The following MGAT4C variants were observed in gnomAD, a reference collection of about 807,000 sequenced individuals.
The protein encoded by MGAT4C is MGAT4 family member C.
Under a neutral mutation model 40.1 loss-of-function variants are expected in MGAT4C, and 19 were observed. That is an observed-to-expected ratio of 0.47 (90% CI 0.33 to 0.70). MGAT4C has a LOEUF of 0.70. Ranked by LOEUF, MGAT4C falls within the 30% of genes least tolerant of loss-of-function variation. The pLI is 0.02. For synonymous variants in MGAT4C, 181 were observed against 187.1 expected (o/e 0.97, Z 0.27); for missense variants, 491 against 563.2 (o/e 0.87, Z 1.30).
intron 1 of MGAT4C, among the ~76,000 whole-genome samples, chr12:86,113,884 G>C (rs1322982265): frequency 6.6e-6 from 1 of 151,838 alleles, no homozygotes; most frequent in East Asian, 1.9e-4. Context: ...AGAGAGACTG[G>C]AAAAGTCTCA....
intron 3 of MGAT4C, among the ~76,000 whole-genome samples, chr12:86,413,198 C>A (rs978874009): frequency 1.3e-5 from 2 of 151,908 alleles, no homozygotes; most frequent in African/African-American, 4.8e-5. Context: ...GGAAAATGGA[C>A]CAGCTGTAGA....
intron 2 of MGAT4C, among the ~76,000 whole-genome samples, chr12:86,446,474 T>C (rs1241880658): frequency 6.6e-6 from 1 of 151,558 alleles, no homozygotes; most frequent in Non-Finnish European, 1.5e-5. Context: ...CAGCTGTTTT[T>C]GTGATTTGCA....
intron 1 of MGAT4C, among the ~76,000 whole-genome samples, chr12:86,804,138 T>C (rs1952293863): frequency 6.6e-6 from 1 of 151,146 alleles, no homozygotes; most frequent in East Asian, 2.0e-4. Context: ...AAATTGGAAA[T>C]CATAATTCTC....
chr12:86,645,524 C>A (rs922178452), intron 2 of MGAT4C, among the ~76,000 whole-genome samples: 1 of 151,636 alleles, frequency 6.6e-6, no homozygotes, highest in African/African-American at 2.4e-5. Flanking sequence ...ATTTAGCAAG[C>A]AATAAAGTAC....
chr12:86,095,017 T>G (rs1873641309), intron 1 of MGAT4C, among the ~76,000 whole-genome samples: 1 of 152,130 alleles, frequency 6.6e-6, no homozygotes, highest in Admixed American at 6.6e-5. Context: ...ATTCTCCCCT[T>G]CTTCCTTAGT....
intron 2 of MGAT4C, among the ~76,000 whole-genome samples, chr12:85,999,583 G>GTGTATATA (rs1226916126): frequency 4.9e-5 from 6 of 122,964 alleles, no homozygotes; most frequent in African/African-American, 1.5e-4. Context: ...GTGTGTGTGT[G>GTGTATATA]TATATATATA....
chr12:86,184,184 A>C (rs1408169431), intron 1 of MGAT4C, among the ~76,000 whole-genome samples: 1 of 151,856 alleles, frequency 6.6e-6, no homozygotes. Flanking sequence ...TATAATTACT[A>C]ATCAATTAAA....
At chr12:86,379,679 T>C (rs985446686) in intron 3 of MGAT4C, among the ~76,000 whole-genome samples, 3 of 152,070 alleles carry the variant, frequency 2.0e-5, no homozygotes, top group Admixed American at 6.6e-5. Context: ...AAAACAATAC[T>C]TTTTTTAGAA....
intron 3 of MGAT4C, among the ~76,000 whole-genome samples, chr12:86,413,072 A>AT (rs1188187864): frequency 6.6e-6 from 1 of 152,122 alleles, no homozygotes; most frequent in Non-Finnish European, 1.5e-5. Context: ...GTAAACCGTG[A>AT]TTTTTAACCT....
intron 1 of MGAT4C, among the ~76,000 whole-genome samples, chr12:86,741,454 A>C (rs1174744602): frequency 1.3e-5 from 2 of 151,302 alleles, no homozygotes; most frequent in Non-Finnish European, 3.0e-5. Context: ...CACTTTTTGC[A>C]TAACAGTAAC....
intron 3 of MGAT4C, among the ~76,000 whole-genome samples, chr12:86,418,982 C>T (rs1956772506): frequency 6.6e-6 from 1 of 152,096 alleles, no homozygotes; most frequent in Non-Finnish European, 1.5e-5. Context: ...TCACTCACAA[C>T]TTTCAGACCT....
At chr12:86,054,248 G>A (rs1338542897) in intron 1 of MGAT4C, among the ~76,000 whole-genome samples, 1 of 151,832 alleles carries the variant, frequency 6.6e-6, no homozygotes, top group Non-Finnish European at 1.5e-5. Flanking sequence ...TAAAAACAAG[G>A]GAATCCTGTA....
At chr12:86,514,254 G>A (rs1958645356) in intron 2 of MGAT4C, among the ~76,000 whole-genome samples, 2 of 152,182 alleles carry the variant, frequency 1.3e-5, no homozygotes, top group Non-Finnish European at 1.5e-5. Context: ...AACAGAATTA[G>A]TTCAGTAAAG....
chr12:86,113,670 T>C (rs889688854), intron 1 of MGAT4C, among the ~76,000 whole-genome samples: 2 of 151,848 alleles, frequency 1.3e-5, no homozygotes, highest in African/African-American at 4.8e-5. Flanking sequence ...AAACTAGATG[T>C]ATCCTTGTCT....
chr12:86,348,667 C>T (rs1410501851), intron 3 of MGAT4C, among the ~76,000 whole-genome samples: 9 of 152,044 alleles, frequency 5.9e-5, no homozygotes, highest in Non-Finnish European at 1.5e-5. Context: ...ACTCATGTAG[C>T]TTTCTGTATG....
Position 86,056,912 on chromosome 12 carries a change from T to C in MGAT4C, c.-56-7189A>G, listed in dbSNP as rs545153607. ...CATCTGTTGTTTCCTAACTTTTTAATGAATGAATGATCTATTTAAAGTGAT... is the reference window on the plus strand; with the variant it reads ...CATCTGTTGTTTCCTAACTTTTTAACGAATGAATGATCTATTTAAAGTGAT... On this transcript the variant is annotated intron_variant, in intron 1 of 4. Transcript: ENST00000611864. Among the ~76,000 whole-genome samples, 77 of 150,760 alleles carry C rather than the reference T, an allele frequency of 5.1e-4. 1 individual carries two copies. Among genetic ancestry groups the C allele is most frequent in the Non-Finnish European group, 3.4e-4 (23 of 67,836 alleles).
chr12:86,451,990 T>G (rs1200771096), intron 2 of MGAT4C, among the ~76,000 whole-genome samples: 2 of 152,018 alleles, frequency 1.3e-5, no homozygotes, highest in African/African-American at 4.8e-5. Flanking sequence ...ATTACTTAAT[T>G]TTTCTCTTGG....
At chr12:86,025,919 G>A (rs935791991) in intron 2 of MGAT4C, among the ~76,000 whole-genome samples, 1 of 151,588 alleles carries the variant, frequency 6.6e-6, no homozygotes, top group African/African-American at 2.4e-5. Flanking sequence ...AATGCTTAGG[G>A]TTCCTGATAT....
intron 1 of MGAT4C, among the ~76,000 whole-genome samples, chr12:86,085,935 G>A (rs1003759105): frequency 4.6e-5 from 7 of 152,128 alleles, no homozygotes; most frequent in Admixed American, 3.3e-4. Flanking sequence ...CTTTTACACT[G>A]TTGGTGGGAG....
Sources: gnomAD v4.1 joint callset for allele counts (sites outside exome capture counted in the v4.1 genomes callset) on GRCh38, gnomAD v4.1.1 for gene constraint, MANE v1.5 for transcripts, NCBI Gene and HGNC (gene_info 2026-07-23, HGNC 2026-07-21) for gene names.